The following GABRB3 variants were observed in gnomAD, a reference collection of about 807,000 sequenced individuals.
The protein encoded by GABRB3 is gamma-aminobutyric acid type A receptor subunit beta3.
In GABRB3, 14 loss-of-function variants were observed where a neutral mutation model predicts 52.1. The observed-to-expected ratio is 0.27, with a 90% CI of 0.18 to 0.42. GABRB3 has a LOEUF of 0.42. Among genes scored for constraint, GABRB3 ranks in the 10% least tolerant of loss-of-function variants. GABRB3 has a pLI of 1.00. For synonymous variants in GABRB3, 260 were observed against 232.3 expected (o/e 1.12, Z -1.08); for missense variants, 307 against 609.1 (o/e 0.50, Z 5.22).
At chr15:26,634,128 G>A (rs956844336) in intron 3 of GABRB3, among the ~76,000 whole-genome samples, 3 of 152,112 alleles carry the variant, frequency 2.0e-5, no homozygotes, top group Non-Finnish European at 4.4e-5. Flanking sequence ...AGCTAAGGGA[G>A]AGGGGCACCC....
intron 3 of GABRB3, among the ~76,000 whole-genome samples, chr15:26,770,380 A>G (rs1438862858): frequency 6.6e-6 from 1 of 152,240 alleles, no homozygotes; most frequent in Non-Finnish European, 1.5e-5. Flanking sequence ...GCTATGGAAT[A>G]TACACTTAAA....
intron 3 of GABRB3, among the ~76,000 whole-genome samples, chr15:26,702,540 A>C (rs1888970009): frequency 6.6e-6 from 1 of 152,232 alleles, no homozygotes; most frequent in Non-Finnish European, 1.5e-5. Context: ...GGCTAATTTT[A>C]AAGAGATTGA....
chr15:26,641,093 G>T (rs776026184), intron 3 of GABRB3, among the ~76,000 whole-genome samples: 30 of 152,066 alleles, frequency 2.0e-4, no homozygotes, highest in Non-Finnish European at 2.8e-4. Flanking sequence ...TTCTAACCTT[G>T]TCCAGGAGCA....
intron 8 of GABRB3, among the ~76,000 whole-genome samples, chr15:26,550,746 C>A (rs563027741): frequency 6.6e-6 from 1 of 152,188 alleles, no homozygotes; most frequent in Non-Finnish European, 1.5e-5. Flanking sequence ...ATTGCCAATA[C>A]TTTAATTTCA....
chr15:26,567,962 T>C (rs1595446185), intron 6 of GABRB3, among the ~76,000 whole-genome samples: 1 of 152,250 alleles, frequency 6.6e-6, no homozygotes. Context: ...CTTCTAAGGC[T>C]AAACGCTCGG....
chr15:26,723,158 C>A (rs1337477567), intron 3 of GABRB3, among the ~76,000 whole-genome samples: 5 of 152,130 alleles, frequency 3.3e-5, no homozygotes, highest in Admixed American at 2.6e-4. Flanking sequence ...GGAAAAAAAT[C>A]ATAGAAAAAT....
chr15:26,551,116 T>C (rs1889446521), intron 8 of GABRB3, among the ~76,000 whole-genome samples: 1 of 152,200 alleles, frequency 6.6e-6, no homozygotes, highest in Admixed American at 6.5e-5. Context: ...CCTCTTATCA[T>C]AGTAGGAAAG....
chr15:26,755,471 TAATTA>T (rs1470498411), intron 3 of GABRB3, among the ~76,000 whole-genome samples: 9 of 152,202 alleles, frequency 5.9e-5, no homozygotes, highest in African/African-American at 1.9e-4. Flanking sequence ...ATCAAATATA[TAATTA>T]AATTAAAGTC....
At chr15:26,575,011 T>C (rs1890544942) in intron 6 of GABRB3, among the ~76,000 whole-genome samples, 1 of 152,204 alleles carries the variant, frequency 6.6e-6, no homozygotes, top group Non-Finnish European at 1.5e-5. Context: ...TCTCAATAAA[T>C]ACAAGTTCCT....
chr15:26,608,102 CAAA>C (rs60028329), intron 4 of GABRB3, among the ~76,000 whole-genome samples: 4 of 120,338 alleles, frequency 3.3e-5, no homozygotes, highest in South Asian at 2.8e-4. Context: ...ATGGTACTGG[CAAA>C]AAAAAAAAAA....
chr15:26,554,909 G>C (rs569533130), intron 8 of GABRB3, among the ~76,000 whole-genome samples: 1 of 152,222 alleles, frequency 6.6e-6, no homozygotes, highest in African/African-American at 2.4e-5. Context: ...GCTGGGCACA[G>C]TGGCTCACGC....
At chr15:26,550,604 C>G (rs1455262095) in intron 8 of GABRB3, among the ~76,000 whole-genome samples, 2 of 152,150 alleles carry the variant, frequency 1.3e-5, no homozygotes, top group Non-Finnish European at 2.9e-5. Flanking sequence ...TAACTAAAAA[C>G]AGAACTACCA....
chr15:26,733,035 C>T (rs753086216), intron 3 of GABRB3, among the ~76,000 whole-genome samples: 6 of 151,518 alleles, frequency 4.0e-5, no homozygotes, highest in Non-Finnish European at 5.9e-5. Flanking sequence ...GAAAAACTCA[C>T]AGTGAACATC....
intron 3 of GABRB3, among the ~76,000 whole-genome samples, chr15:26,764,150 A>C: frequency 1.9e-4 from 1 of 5,154 alleles, no homozygotes; most frequent in African/African-American, 6.3e-4. Context: ...ACTCGGTCTC[A>C]AAAAAAAAAA....
At chr15:26,751,650 G>A (rs1566829502) in intron 3 of GABRB3, among the ~76,000 whole-genome samples, 1 of 151,940 alleles carries the variant, frequency 6.6e-6, no homozygotes, top group African/African-American at 2.4e-5. Context: ...GTAATGAGGG[G>A]TCCCTTATGT....
intron 8 of GABRB3, among the ~76,000 whole-genome samples, chr15:26,551,893 G>T (rs1889481233): frequency 6.6e-6 from 1 of 152,158 alleles, no homozygotes; most frequent in Admixed American, 6.5e-5. Flanking sequence ...GGAGACACGT[G>T]ATGTGGGGAG....
intron 3 of GABRB3, among the ~76,000 whole-genome samples, chr15:26,690,502 G>A (rs1331305756): frequency 6.6e-6 from 1 of 152,038 alleles, no homozygotes; most frequent in African/African-American, 2.4e-5. Flanking sequence ...TTAATCCTGA[G>A]CCAAGTCAAA....
intron 3 of GABRB3, among the ~76,000 whole-genome samples, chr15:26,712,469 G>A (rs1313863484): frequency 4.6e-5 from 7 of 152,062 alleles, no homozygotes; most frequent in Non-Finnish European, 7.4e-5. Context: ...GGGCAGGAGT[G>A]GTGAGGGGGG....
At chr15:26,752,350 A>G (rs1302791544) in intron 3 of GABRB3, among the ~76,000 whole-genome samples, 1 of 151,470 alleles carries the variant, frequency 6.6e-6, no homozygotes, top group Non-Finnish European at 1.5e-5. Context: ...TGCAACCTCA[A>G]CCTCCTGGGT....
Sources: gnomAD v4.1 joint callset for allele counts (sites outside exome capture counted in the v4.1 genomes callset) on GRCh38, gnomAD v4.1.1 for gene constraint, MANE v1.5 for transcripts, NCBI Gene and HGNC (gene_info 2026-07-23, HGNC 2026-07-21) for gene names.